ZC3H12B: variants seen among roughly 807,000 people sequenced by gnomAD.
ZC3H12B encodes probable ribonuclease ZC3H12B.
ZC3H12B carries 7 observed loss-of-function variants against 43.9 expected under a neutral mutation model. That is an observed-to-expected ratio of 0.16 (90% CI 0.09 to 0.30). ZC3H12B has a LOEUF of 0.30. Among genes scored for constraint, ZC3H12B ranks in the 10% least tolerant of loss-of-function variants. The pLI is 1.00. For synonymous variants in ZC3H12B, 222 were observed against 241.7 expected (o/e 0.92, Z 0.76); for missense variants, 475 against 670.2 (o/e 0.71, Z 3.22).
chrX:65,087,941 A>G, the ZC3H12B span, among the ~76,000 whole-genome samples: 1 of 112,296 alleles, frequency 8.9e-6, no homozygotes, highest in African/African-American at 3.2e-5. Context: ...GGAATAGAAA[A>G]TATCAGAGTG....
intron 3 of ZC3H12B, among the ~76,000 whole-genome samples, chrX:65,432,569 A>T (rs184018044): frequency 9.0e-6 from 1 of 111,666 alleles, no homozygotes; most frequent in Non-Finnish European, 1.9e-5. Flanking sequence ...TCTGGGCCCC[A>T]CTCAGAACTA....
chrX:65,199,926 T>G, the ZC3H12B span, among the ~76,000 whole-genome samples: 1 of 110,889 alleles, frequency 9.0e-6, no homozygotes, highest in East Asian at 2.8e-4. Flanking sequence ...TGTGTATATC[T>G]TTATAATGGA....
chrX:65,279,042 C>G, the ZC3H12B span, among the ~76,000 whole-genome samples: 4 of 110,688 alleles, frequency 3.6e-5, no homozygotes, highest in Non-Finnish European at 5.7e-5. Context: ...TTTAATCTAT[C>G]ATTGATGGGC....
At chrX:65,128,755 G>A in the ZC3H12B span, among the ~76,000 whole-genome samples, 47 of 111,562 alleles carry the variant, frequency 4.2e-4, 1 homozygote, top group Admixed American at 3.1e-3. Context: ...TCACAATTAC[G>A]GTTGCTGAGA....
the ZC3H12B span, among the ~76,000 whole-genome samples, chrX:65,175,882 T>C: frequency 8.9e-6 from 1 of 112,278 alleles, no homozygotes; most frequent in Non-Finnish European, 1.9e-5. Flanking sequence ...TTACCCACAG[T>C]CTTTGTAACC....
the ZC3H12B span, among the ~76,000 whole-genome samples, chrX:65,176,345 T>G: frequency 3.1e-4 from 35 of 111,866 alleles, no homozygotes; most frequent in African/African-American, 1.1e-3. Flanking sequence ...TCTAGATTCC[T>G]CCTCTCTGGG....
the ZC3H12B span, among the ~76,000 whole-genome samples, chrX:65,205,967 A>G: frequency 2.7e-5 from 3 of 111,913 alleles, no homozygotes; most frequent in Non-Finnish European, 5.6e-5. Context: ...AAGGACTTGA[A>G]AGACCTTTAC....
chrX:65,161,010 T>C, the ZC3H12B span, among the ~76,000 whole-genome samples: 15 of 111,345 alleles, frequency 1.3e-4, no homozygotes, highest in South Asian at 3.8e-4. Flanking sequence ...GCCTTCATTT[T>C]GTTATGTACC....
At chrX:65,353,791 C>A in the ZC3H12B span, among the ~76,000 whole-genome samples, 1 of 111,461 alleles carries the variant, frequency 9.0e-6, no homozygotes, top group Non-Finnish European at 1.9e-5. Context: ...GGGGTGTCCA[C>A]CATTACTGAG....
chrX:65,123,928 A>G, the ZC3H12B span, among the ~76,000 whole-genome samples: 2 of 110,501 alleles, frequency 1.8e-5, no homozygotes, highest in Non-Finnish European at 3.8e-5. Context: ...TGATTATATC[A>G]TCAGCAAGCA....
chrX:65,207,150 C>G, the ZC3H12B span, among the ~76,000 whole-genome samples: 1 of 108,765 alleles, frequency 9.2e-6, no homozygotes, highest in Admixed American at 9.9e-5. Flanking sequence ...AGCAATCTCA[C>G]TACTGGGTTT....
the ZC3H12B span, among the ~76,000 whole-genome samples, chrX:65,127,052 C>G: frequency 1.8e-5 from 2 of 110,456 alleles, no homozygotes; most frequent in Admixed American, 9.7e-5. Flanking sequence ...GTGGTATGAT[C>G]TTTTGGGGAT....
the ZC3H12B span, among the ~76,000 whole-genome samples, chrX:65,162,084 G>C: frequency 1.4e-3 from 156 of 111,460 alleles, no homozygotes; most frequent in African/African-American, 4.1e-3. Context: ...TAAGAATGTT[G>C]AGTATTGGCC....
At chrX:65,392,298 G>T (rs1404925841) in intron 2 of ZC3H12B, among the ~76,000 whole-genome samples, 1 of 109,790 alleles carries the variant, frequency 9.1e-6, no homozygotes, top group African/African-American at 3.3e-5. Flanking sequence ...CTTCCCGGCC[G>T]TCATCCCTTC....
the ZC3H12B span, among the ~76,000 whole-genome samples, chrX:65,191,205 AT>A: frequency 3.8e-3 from 203 of 53,551 alleles, 4 homozygotes; most frequent in African/African-American, 0.02. Context: ...GTTTGCCAGT[AT>A]TTTATTGAGG....
the ZC3H12B span, among the ~76,000 whole-genome samples, chrX:65,068,335 G>A: frequency 1.8e-5 from 2 of 109,852 alleles, no homozygotes; most frequent in Non-Finnish European, 3.8e-5. Flanking sequence ...CTTTTCTCTG[G>A]TGATATGATT....
chrX:65,382,735 G>T lies in ZC3H12B; in HGVS notation n.295+13737G>T, dbSNP rs781138014. ...TCTCAGCCAAAAATCTCCTTAAGCT[G>T]ATAAGCAACTTCAGCAAAGTCTCAA... On this transcript the variant is annotated intron_variant and non_coding_transcript_variant, in intron 2 of 5. Transcript: ENST00000617377. Among the ~76,000 whole-genome samples the T allele has an allele frequency of 6.3e-5, 7 of 111,868 alleles. No individual in the cohort carries two copies. The South Asian group carries it at 2.6e-3, about 42-fold the overall frequency.
At chrX:65,117,246 G>A in the ZC3H12B span, among the ~76,000 whole-genome samples, 8 of 111,506 alleles carry the variant, frequency 7.2e-5, no homozygotes, top group South Asian at 1.1e-3. Context: ...TTTAATGATC[G>A]CCATTCTAAC....
upstream of ZC3H12B, among the ~76,000 whole-genome samples, chrX:65,363,993 T>C (rs776076590): frequency 5.4e-5 from 6 of 111,084 alleles, no homozygotes; most frequent in Non-Finnish European, 9.4e-5. Flanking sequence ...ATACCACACC[T>C]GACCCCCATG....
Sources: gnomAD v4.1 joint callset for allele counts (sites outside exome capture counted in the v4.1 genomes callset) on GRCh38, gnomAD v4.1.1 for gene constraint, MANE v1.5 for transcripts, NCBI Gene and HGNC (gene_info 2026-07-23, HGNC 2026-07-21) for gene names.